ZNF814: variants seen among roughly 807,000 people sequenced by gnomAD.
The protein encoded by ZNF814 is zinc finger protein 814.
In ZNF814, 5 loss-of-function variants were observed where a neutral mutation model predicts 7.5. The observed-to-expected ratio is 0.67, with a 90% confidence interval of 0.35 to 1.40. The LOEUF (loss-of-function observed/expected upper bound fraction) is 1.40. Ranked by LOEUF, ZNF814 falls within the 40% of genes most tolerant of loss-of-function variation. The pLI is 0.04. For missense variants in ZNF814, 962 were observed against 1,018.0 expected, an observed-to-expected ratio of 0.94 and a Z score of 0.75; for synonymous variants, 315 against 340.7, an observed-to-expected ratio of 0.92 and a Z score of 0.83.
chr19:57,899,131 A>G, the ZNF814 span, among the ~76,000 whole-genome samples: 64 of 152,116 alleles, frequency 4.2e-4, no homozygotes, highest in East Asian at 0.011. Context: ...GATTATGAAA[A>G]ATTTGCTTTT....
At chr19:57,892,202 A>G (rs2122481446), upstream of ZNF814, among the ~76,000 whole-genome samples, 1 of 152,348 alleles carries the variant, frequency 6.6e-6, no homozygotes, top group Non-Finnish European at 1.5e-5. Flanking sequence ...TATTTGGCTC[A>G]GAATAAATCT....
rs1472704745 is a variant in ZNF814 at position 57,873,376 on chromosome 19, T to C, written c.2014A>G (p.Lys672Glu). The change falls in exon 3 of 3, where the codon AAG (lysine) becomes GAG (glutamate). Residue 672 changes from lysine to glutamate, a missense_variant. By Grantham distance (56) the Lys-to-Glu change is moderately conservative. Coordinates refer to ENST00000435989, the MANE Select transcript of ZNF814 (RefSeq NM_001144989.2). Reference sequence around the variant, plus strand: ...TGCTGGTGTAGAATGAGGTTACCCTTGTGACTAAAACATTTCCCACATTCC... The same window carrying C: ...TGCTGGTGTAGAATGAGGTTACCCTCGTGACTAAAACATTTCCCACATTCC... ...CGECGKCFSHKGNLILHQHGH... is the reference protein window; with the variant it reads ...CGECGKCFSHEGNLILHQHGH... 2.5e-6 allele frequency: 4 copies of C among 1,604,742 alleles called. No homozygotes were observed. In the African/African-American group the frequency reaches 4.0e-5, roughly 16 times the overall value.
chr19:57,885,188 G>A (rs914917563), intron 1 of ZNF814, among the ~76,000 whole-genome samples: 1 of 151,956 alleles, frequency 6.6e-6, no homozygotes, highest in Non-Finnish European at 1.5e-5. Flanking sequence ...CAGGTGTGGT[G>A]GCACACGTGT....
At chr19:57,893,054 C>T (rs1471752767), upstream of ZNF814, among the ~76,000 whole-genome samples, 1 of 152,098 alleles carries the variant, frequency 6.6e-6, no homozygotes, top group African/African-American at 2.4e-5. Flanking sequence ...TGCAGATTGG[C>T]CCCCAAGGGT....
the ZNF814 span, among the ~76,000 whole-genome samples, chr19:57,894,656 C>G: frequency 6.6e-6 from 1 of 151,354 alleles, no homozygotes; most frequent in Non-Finnish European, 1.5e-5. Flanking sequence ...GGTGAAACCC[C>G]GTCTCTACTA....
the ZNF814 span, among the ~76,000 whole-genome samples, chr19:57,894,258 C>A: frequency 2.6e-4 from 39 of 148,978 alleles, no homozygotes; most frequent in East Asian, 1.0e-3. Flanking sequence ...CCCAGCTGCT[C>A]AGGAGGCTGA....
In ZNF814 at chr19:57,875,198, C is replaced by T. The variant is rs772004249; in HGVS notation, c.192G>A (p.Ala64=). The T allele has an allele frequency of 6.6e-5, 100 of 1,525,348 alleles. 1 individual carries two copies. The Middle Eastern group carries it at 7.3e-4, about 11-fold the overall frequency. The allele number at this position is 1,525,348 out of a possible 1,614,324, so 94.5% of individuals were successfully genotyped here. A position where few individuals can be genotyped will look rare whatever the true frequency, so the allele number is the denominator to read the frequency against. The part of the protein sequence containing the change: ...LGCWCGVEDE[A]APSKQSIYIQ... Reference sequence around the variant, plus strand: ...TATAAATACTCTGCTTAGAAGGTGCCGCCTCATCTTCCACTCCACACCAAC... The same window carrying T: ...TATAAATACTCTGCTTAGAAGGTGCTGCCTCATCTTCCACTCCACACCAAC... The change falls in exon 3 of 3, where the codon GCG becomes GCA. Residue 64 remains alanine (A), a synonymous_variant. Transcript: ENST00000435989.
At position 57,873,853 on chromosome 19, in the gene ZNF814, C is replaced by A. The variant is rs777474599; in HGVS notation, c.1537G>T (p.Val513Phe). 17 of 1,613,898 alleles carry A rather than the reference C, an allele frequency of 1.1e-5. No individual in the cohort carries two copies. The highest frequency in any genetic ancestry group is 1.4e-5 in the Non-Finnish European group (17 of 1,179,952). ...TCATAAGGTCTTGCTCCAGTGTGAA[C>A]TCGCTGGTGTAGAACGAGGTTGCCC... Reference protein sequence around the residue: ...QKGNLVLHQRVHTGARPYECG... With the variant: ...QKGNLVLHQRFHTGARPYECG... The change falls in exon 3 of 3, where the codon GTT (valine) becomes TTT (phenylalanine). Residue 513 changes from valine (V) to phenylalanine (F), a missense_variant. Physicochemically the swap from Val to Phe is conservative, Grantham distance 50. Around this residue, in one of 7 missense-constraint regions of ZNF814, gnomAD observed 665 missense variants for 551.4 expected, o/e 1.21. Transcript: ENST00000435989.
chr19:57,898,633 T>C, the ZNF814 span, among the ~76,000 whole-genome samples: 1 of 152,190 alleles, frequency 6.6e-6, no homozygotes, highest in Admixed American at 6.5e-5. Context: ...CTCCTTGGAA[T>C]TCTCCTGTTT....
the ZNF814 span, among the ~76,000 whole-genome samples, chr19:57,900,838 C>CTTTTTTTTTTTTTTTT: frequency 3.5e-4 from 20 of 56,434 alleles, no homozygotes; most frequent in South Asian, 7.5e-4. Flanking sequence ...GCCATGGCTG[C>CTTTTTTTTTTTTTTTT]ATTTTTTTTT....
chr19:57,888,000 C>A (rs2071707311), intron 1 of ZNF814, among the ~76,000 whole-genome samples: 1 of 152,132 alleles, frequency 6.6e-6, no homozygotes, highest in South Asian at 2.1e-4. Flanking sequence ...AGCTCCCCTC[C>A]CCTTCCTAAA....
chr19:57,901,524 CCCA>C, the ZNF814 span: 1 of 397,800 alleles, frequency 2.5e-6, no homozygotes, highest in East Asian at 3.6e-5. Context: ...TCTGTGGGTG[CCCA>C]CCAAACATCT....
At chr19:57,902,192 A>T in the ZNF814 span, among the ~76,000 whole-genome samples, 1 of 152,216 alleles carries the variant, frequency 6.6e-6, no homozygotes, top group South Asian at 2.1e-4. Context: ...AACAAAATAG[A>T]GTTTGGTTTG....
chr19:57,872,807 T>G lies in ZNF814; in HGVS notation c.*15A>C, dbSNP rs780053139. 6.2e-7 allele frequency: 1 copy of G among 1,607,582 alleles called. No homozygotes were observed. The highest frequency in any genetic ancestry group is 2.2e-5 in the East Asian group (1 of 44,720). Reference sequence around the variant, plus strand: ...GTGGTCCTTCTTGCTAAAAACTTTCTGACAATCCTCACACTCATATGGCTT... The same window carrying G: ...GTGGTCCTTCTTGCTAAAAACTTTCGGACAATCCTCACACTCATATGGCTT... On this transcript the variant is annotated 3_prime_UTR_variant, in exon 3 of 3. Transcript: ENST00000435989.
the ZNF814 span, among the ~76,000 whole-genome samples, chr19:57,894,695 G>A: frequency 2.0e-5 from 3 of 151,858 alleles, no homozygotes; most frequent in Admixed American, 2.0e-4. Flanking sequence ...TTAGCCGGGC[G>A]TGGTGGCGGG....
the ZNF814 span, chr19:57,900,285 A>G: frequency 6.6e-6 from 1 of 152,208 alleles, no homozygotes; most frequent in Non-Finnish European, 1.5e-5. Context: ...AAATCACACA[A>G]AATATTGATG....
chr19:57,884,345 C>A (rs2071672176), intron 1 of ZNF814, among the ~76,000 whole-genome samples: 4 of 152,248 alleles, frequency 2.6e-5, no homozygotes, highest in Admixed American at 2.6e-4. Flanking sequence ...AGGAGCAGTG[C>A]CTCCCAGCTA....
chr19:57,877,730 C>T (rs1209922427), intron 1 of ZNF814, among the ~76,000 whole-genome samples: 3 of 152,108 alleles, frequency 2.0e-5, no homozygotes, highest in African/African-American at 4.8e-5. Context: ...CATGAGGCAC[C>T]GCGCCCAGCC....
intron 1 of ZNF814, among the ~76,000 whole-genome samples, chr19:57,878,946 G>A (rs968612222): frequency 1.3e-5 from 2 of 151,502 alleles, no homozygotes; most frequent in South Asian, 2.1e-4. Flanking sequence ...TGCACACAAG[G>A]GAAAAAAATT....
Sources: allele counts gnomAD v4.1 joint callset (sites outside exome capture counted in the v4.1 genomes callset), GRCh38; gene constraint gnomAD v4.1.1; regional missense constraint gnomAD v4.1.1; transcripts MANE v1.5; gene names NCBI Gene and HGNC (gene_info 2026-07-23, HGNC 2026-07-21).